The following LMF1 variants were observed in gnomAD, a reference collection of about 807,000 sequenced individuals.
LMF1 encodes transmembrane protein 112.
In LMF1, 68 loss-of-function variants were observed where a neutral mutation model predicts 60.6. That is an observed-to-expected ratio of 1.12 (90% CI 0.92 to 1.37). The LOEUF is 1.37. Among genes scored for constraint, LMF1 ranks in the 40% most tolerant of loss-of-function variants. The pLI is 0.00. For synonymous variants in LMF1, 418 were observed against 324.7 expected (o/e 1.29, Z -3.09); for missense variants, 948 against 767.2 (o/e 1.24, Z -2.78).
chr16:880,537 G>C (rs1165389715), intron 5 of LMF1, among the ~76,000 whole-genome samples: 2 of 152,232 alleles, frequency 1.3e-5, no homozygotes, highest in African/African-American at 4.8e-5. Flanking sequence ...GGGCATGGTG[G>C]TGCGTGCCTG....
At chr16:888,176 G>C (rs2070367841) in intron 5 of LMF1, among the ~76,000 whole-genome samples, 2 of 152,106 alleles carry the variant, frequency 1.3e-5, no homozygotes. Flanking sequence ...GTGGAGCTCA[G>C]TGGGGTACTC....
chr16:854,639 T>G lies in LMF1; in HGVS notation c.1597A>C (p.Lys533Gln), dbSNP rs2069138764. Residue 533 changes from lysine to glutamine, a missense_variant, in exon 11 of 11, where the codon AAG becomes CAG. Coordinates refer to ENST00000262301, the MANE Select transcript of LMF1 (RefSeq NM_022773.4). The part of the protein sequence containing the change: ...RPGGRHAAEG[K>Q]WWVRKRIGAY... ...CCGATCCTCTTCCGCACCCACCACT[T>G]GCCCTCGGCGGCGTGCCTGCCCCCA... 6.2e-7 allele frequency: 1 copy of G among 1,606,970 alleles called. No homozygotes were observed. The highest frequency in any genetic ancestry group is 8.5e-7 in the Non-Finnish European group (1 of 1,178,490).
intron 10 of LMF1, among the ~76,000 whole-genome samples, 169 bp downstream of exon 10, chr16:868,775 G>A (rs1567149985): frequency 6.8e-6 from 1 of 146,284 alleles, no homozygotes; most frequent in African/African-American, 2.6e-5. Context: ...CTGATGTGGG[G>A]CGGGGGGGGG....
At chr16:979,387 G>A (rs1277303853) in intron 1 of LMF1, 12 of 293,668 alleles carry the variant, frequency 4.1e-5, no homozygotes, top group African/African-American at 1.7e-4. Context: ...CCACCACCCC[G>A]CCACAGAGAC....
chr16:968,442 G>C (rs1332107186), intron 1 of LMF1: 1 of 152,242 alleles, frequency 6.6e-6, no homozygotes, highest in Non-Finnish European at 1.5e-5. Context: ...TCAGTATCAA[G>C]TGAAATATTT....
At chr16:910,675 C>T (rs527719054) in intron 4 of LMF1, among the ~76,000 whole-genome samples, 4 of 152,270 alleles carry the variant, frequency 2.6e-5, no homozygotes, top group Admixed American at 2.6e-4. Flanking sequence ...TGAGTCTCCT[C>T]CTGAAACAGA....
chr16:976,499 C>A (rs772571318), intron 1 of LMF1: 2 of 453,994 alleles, frequency 4.4e-6, no homozygotes, highest in Non-Finnish European at 8.8e-6. Flanking sequence ...CGGAAGGTGA[C>A]GCTCTCTGGG....
chr16:967,972 T>A (rs1333358848), intron 1 of LMF1, among the ~76,000 whole-genome samples: 26 of 152,196 alleles, frequency 1.7e-4, no homozygotes, highest in Non-Finnish European at 5.9e-5. Context: ...GACAGGTGTG[T>A]CTTCAACTCT....
chr16:976,920 G>A (rs919943898), intron 1 of LMF1: 7 of 454,034 alleles, frequency 1.5e-5, no homozygotes, highest in African/African-American at 2.0e-5. Flanking sequence ...CGGATCAGGA[G>A]GCTCCCAGTG....
At chr16:963,171 A>T (rs1056676118) in intron 1 of LMF1, among the ~76,000 whole-genome samples, 4 of 151,942 alleles carry the variant, frequency 2.6e-5, no homozygotes, top group Non-Finnish European at 4.4e-5. Flanking sequence ...GGTGGGTCGC[A>T]GGGCGGGAAA....
chr16:973,158 C>G (rs1204389082), upstream of LMF1, among the ~76,000 whole-genome samples: 2 of 152,104 alleles, frequency 1.3e-5, no homozygotes, highest in African/African-American at 2.4e-5. Flanking sequence ...GCCTGGCCAA[C>G]ATGGTGAAAC....
At chr16:900,952 ACT>A (rs2070795975) in intron 4 of LMF1, 1 of 152,126 alleles carries the variant, frequency 6.6e-6, no homozygotes, top group African/African-American at 2.4e-5. Flanking sequence ...CCAGGCAAAC[ACT>A]CACACCAAAG....
Position 962,774 on chromosome 16 carries a change from G to A in LMF1, c.193+8014C>T, listed in dbSNP as rs1338796977. On this transcript the variant is annotated intron_variant, in intron 1 of 10. Coordinates refer to ENST00000262301, the MANE Select transcript of LMF1 (RefSeq NM_022773.4). This position sits in a 1 kb window ranked among gnomAD's most constrained non-coding sequence, Gnocchi z 4.5. ...CGGGTCCCAGAACGGAACAGGCACGGGTGGAAAAGCCATAGAGTCTGCAGT... is the reference window on the plus strand; with the variant it reads ...CGGGTCCCAGAACGGAACAGGCACGAGTGGAAAAGCCATAGAGTCTGCAGT... Among the ~76,000 whole-genome samples the A allele has an allele frequency of 1.3e-5, 2 of 152,126 alleles. No individual in the cohort carries two copies. The highest frequency in any genetic ancestry group is 4.2e-4 in the South Asian group (2 of 4,814).
At chr16:909,256 G>C (rs1027425967) in intron 4 of LMF1, among the ~76,000 whole-genome samples, 1 of 152,192 alleles carries the variant, frequency 6.6e-6, no homozygotes, top group African/African-American at 2.4e-5. Context: ...GGAGGGAAAA[G>C]GAGGGCGCTG....
intron 4 of LMF1, 97 bp downstream of exon 4, chr16:910,834 G>A (rs887413631): frequency 5.4e-5 from 80 of 1,492,532 alleles, no homozygotes; most frequent in Non-Finnish European, 6.2e-5. Context: ...AGAGGGCGGC[G>A]GGGGAGGAAG....
At chr16:854,743 G>C in intron 10 of LMF1, 37 bp from the exon 11 acceptor site, 12 of 1,544,126 alleles carry the variant, frequency 7.8e-6, no homozygotes, top group African/African-American at 1.4e-5. Context: ...GGCCTGCTGG[G>C]ACTCCCGGCC....
intron 2 of LMF1, among the ~76,000 whole-genome samples, chr16:946,692 T>C (rs2072245896): frequency 6.6e-6 from 1 of 152,108 alleles, no homozygotes. Context: ...CGTTCACAGG[T>C]CCAACCTCAA....
chr16:964,018 C>T, intron 1 of LMF1: 1 of 455,984 alleles, frequency 2.2e-6, no homozygotes, highest in Non-Finnish European at 4.4e-6. Flanking sequence ...TGGCGGCCAC[C>T]CGCCTCTCAC....
At chr16:979,619 A>C in intron 1 of LMF1, 1 of 453,896 alleles carries the variant, frequency 2.2e-6, no homozygotes, top group Admixed American at 2.3e-5. Context: ...CAGGGACTTG[A>C]AGCTTCCTTG....
Sources: allele counts gnomAD v4.1 joint callset (sites outside exome capture counted in the v4.1 genomes callset), GRCh38; gene constraint gnomAD v4.1.1; non-coding constraint Gnocchi (gnomAD v3.1); transcripts MANE v1.5; gene names NCBI Gene and HGNC (gene_info 2026-07-23, HGNC 2026-07-21).